Variants in PPP2R2C observed in about 807,000 individuals in gnomAD.
PPP2R2C encodes protein phosphatase 2, regulatory subunit B, gamma.
PPP2R2C carries 10 observed loss-of-function variants against 45.3 expected under a neutral mutation model. The ratio of observed to expected loss-of-function variants is 0.22; its 90% CI spans 0.14 to 0.37. The LOEUF (loss-of-function observed/expected upper bound fraction) is 0.37, where lower values mean the gene tolerates loss of function less well. Ranked by LOEUF, PPP2R2C falls within the 10% of genes least tolerant of loss-of-function variation. The pLI is 1.00. For synonymous variants in PPP2R2C, 257 were observed against 245.4 expected (o/e 1.05, Z -0.44); for missense variants, 308 against 619.7 (o/e 0.50, Z 5.34).
At chr4:6,553,176 T>C (rs1725240084) in intron 1 of PPP2R2C, among the ~76,000 whole-genome samples, 1 of 152,126 alleles carries the variant, frequency 6.6e-6, no homozygotes, top group Non-Finnish European at 1.5e-5. Context: ...CAGCCGACCC[T>C]AGGATTGCAG....
At chr4:6,412,353 C>G (rs77643492) in intron 1 of PPP2R2C, among the ~76,000 whole-genome samples, 1,697 of 152,250 alleles carry the variant, frequency 0.011, 32 homozygotes, top group African/African-American at 0.039. Context: ...AAAGTAACCC[C>G]AGGGGAGGAG....
intron 1 of PPP2R2C, among the ~76,000 whole-genome samples, chr4:6,422,165 G>C (rs1399425262): frequency 1.3e-5 from 2 of 152,120 alleles, no homozygotes; most frequent in African/African-American, 4.8e-5. Flanking sequence ...CCAAGACTTG[G>C]GAGGTTGATG....
chr4:6,413,793 G>T, intron 1 of PPP2R2C: 2 of 1,403,566 alleles, frequency 1.4e-6, no homozygotes, highest in Non-Finnish European at 1.9e-6. Context: ...GTGGAGACTG[G>T]CCAAAGGCCA....
chr4:6,350,841 C>G, intron 5 of PPP2R2C: 1 of 985,394 alleles, frequency 1.0e-6, no homozygotes, highest in South Asian at 4.7e-5. Context: ...CCAAAGCCAG[C>G]CTGTGACGGC....
chr4:6,541,629 C>G (rs1724805318), intron 1 of PPP2R2C, among the ~76,000 whole-genome samples: 1 of 152,194 alleles, frequency 6.6e-6, no homozygotes, highest in African/African-American at 2.4e-5. Context: ...TCACTGCAAC[C>G]TCTGCCTCCC....
intron 2 of PPP2R2C, among the ~76,000 whole-genome samples, chr4:6,490,476 A>C (rs1227859624): frequency 1.3e-5 from 2 of 152,248 alleles, no homozygotes; most frequent in Non-Finnish European, 2.9e-5. Context: ...ATTAAATATC[A>C]GGACTACAGG....
chr4:6,533,475 G>C (rs1724474158), intron 2 of PPP2R2C, among the ~76,000 whole-genome samples: 1 of 152,190 alleles, frequency 6.6e-6, no homozygotes. Flanking sequence ...CAACTGTGGG[G>C]TGCCAGGGCC....
At chr4:6,475,513 C>T (rs752762280), upstream of PPP2R2C, among the ~76,000 whole-genome samples, 1 of 152,184 alleles carries the variant, frequency 6.6e-6, no homozygotes, top group Non-Finnish European at 1.5e-5. Flanking sequence ...TGGCTTCTTG[C>T]CATCCATCCC....
At chr4:6,470,515 T>A (rs1721813449) in intron 1 of PPP2R2C, among the ~76,000 whole-genome samples, 1 of 152,190 alleles carries the variant, frequency 6.6e-6, no homozygotes, top group South Asian at 2.1e-4. Context: ...AACGTAGAGA[T>A]GAGCAAACAG....
chr4:6,550,462 A>C (rs1475782240), intron 1 of PPP2R2C, among the ~76,000 whole-genome samples: 2 of 152,116 alleles, frequency 1.3e-5, no homozygotes, highest in African/African-American at 4.8e-5. Flanking sequence ...ATGCACTCCT[A>C]CAACGCCAAC....
chr4:6,539,183 A>G (rs1405874091), intron 1 of PPP2R2C, among the ~76,000 whole-genome samples: 1 of 151,916 alleles, frequency 6.6e-6, no homozygotes, highest in Admixed American at 6.6e-5. Flanking sequence ...ACACACAGAC[A>G]CACACACATA....
At chr4:6,547,693 A>G (rs755350822) in intron 1 of PPP2R2C, among the ~76,000 whole-genome samples, 5 of 152,190 alleles carry the variant, frequency 3.3e-5, no homozygotes, top group Non-Finnish European at 4.4e-5. Context: ...AGCGTCTGCA[A>G]TGGGCCTGGG....
At chr4:6,526,352 G>C (rs1328174379) in intron 2 of PPP2R2C, among the ~76,000 whole-genome samples, 6 of 152,248 alleles carry the variant, frequency 3.9e-5, no homozygotes, top group Non-Finnish European at 5.9e-5. Flanking sequence ...CCAGCCTGCA[G>C]GCTGCAGCCC....
intron 1 of PPP2R2C, among the ~76,000 whole-genome samples, chr4:6,394,457 A>G (rs904108959): frequency 6.6e-6 from 1 of 152,370 alleles, no homozygotes; most frequent in East Asian, 1.9e-4. Flanking sequence ...TTAATCAATG[A>G]CAGAGAGAGG....
In PPP2R2C at chr4:6,344,902, C is replaced by T. The variant is rs189707719; in HGVS notation, c.790+2944G>A. Among the ~76,000 whole-genome samples, 6 of 152,272 alleles carry T rather than the reference C, an allele frequency of 3.9e-5. No homozygotes were observed. In the East Asian group the frequency reaches 7.7e-4, roughly 20 times the overall value. ...GTCATCACTGTCGACATCATTTTCT[C>T]GGCATTTTAAACTGGTTGCTTAAAA... On this transcript the variant is annotated intron_variant, in intron 6 of 8. Coordinates refer to ENST00000382599, the MANE Select transcript of PPP2R2C (RefSeq NM_020416.4).
At chr4:6,350,827 C>T (rs145414867) in intron 5 of PPP2R2C, 1 of 985,418 alleles carries the variant, frequency 1.0e-6, no homozygotes, top group Non-Finnish European at 1.2e-6. Flanking sequence ...GCAATGAGAT[C>T]GCACCAAAGC....
chr4:6,513,328 G>C lies in PPP2R2C; in HGVS notation c.49+21943C>G. 1.3e-5 allele frequency among the ~76,000 whole-genome samples: 2 copies of C among 152,206 alleles called. 1 individual carries two copies. The highest frequency in any genetic ancestry group is 2.9e-5 in the Non-Finnish European group (2 of 68,030). On this transcript the variant is annotated intron_variant, in intron 2 of 9. Coordinates refer to the PPP2R2C transcript ENST00000506140. ...AGTCAGTCCAAAGAGTGGGCACAGAGATGCTGTTTTCTTTTCAAGGAGCAG... is the reference window on the plus strand; with the variant it reads ...AGTCAGTCCAAAGAGTGGGCACAGACATGCTGTTTTCTTTTCAAGGAGCAG...
chr4:6,477,751 A>AAC, intron 2 of PPP2R2C, among the ~76,000 whole-genome samples: 1 of 151,046 alleles, frequency 6.6e-6, no homozygotes, highest in South Asian at 2.1e-4. Flanking sequence ...AAAAAAAAAA[A>AAC]AACTGGAACT....
At chr4:6,485,636 G>GTTGTTGAA (rs1482135481) in intron 2 of PPP2R2C, among the ~76,000 whole-genome samples, 5 of 151,786 alleles carry the variant, frequency 3.3e-5, no homozygotes. Context: ...TTCCCTCTAA[G>GTTGTTGAA]TTGTTGAATT....
Sources: gnomAD v4.1 joint callset for allele counts (sites outside exome capture counted in the v4.1 genomes callset) on GRCh38, gnomAD v4.1.1 for gene constraint, MANE v1.5 for transcripts, NCBI Gene and HGNC (gene_info 2026-07-23, HGNC 2026-07-21) for gene names.